The following BTN3A2 variants were observed in gnomAD, a reference collection of about 807,000 sequenced individuals.
BTN3A2 encodes butyrophilin subfamily 3 member A2.
BTN3A2 carries 25 observed loss-of-function variants against 37.6 expected under a neutral mutation model. The ratio of observed to expected loss-of-function variants is 0.66; its 90% CI spans 0.48 to 0.93. The LOEUF is 0.93. Ranked by LOEUF, BTN3A2 falls within the 40% of genes least tolerant of loss-of-function variation. The pLI, the probability that BTN3A2 is intolerant of heterozygous loss-of-function variation, is 0.00. For missense variants in BTN3A2, 266 were observed against 410.9 expected, an observed-to-expected ratio of 0.65 and a Z score of 3.05; for synonymous variants, 122 against 159.4, an observed-to-expected ratio of 0.77 and a Z score of 1.77.
At chr6:26,368,423 C>T (rs756209820) in intron 3 of BTN3A2, 142 bp from the exon 4 acceptor site, 60 of 1,538,414 alleles carry the variant, frequency 3.9e-5, no homozygotes, top group Non-Finnish European at 5.0e-5. Flanking sequence ...TCACCTGTCA[C>T]AAAGAGACAA....
At position 26,376,232 on chromosome 6, in the gene BTN3A2, A is replaced by AAAAAG. The variant is rs1554126688; in HGVS notation, c.*480_*484dup. The AAAAAG allele has an allele frequency of 0.038, 5,105 of 135,930 alleles. 184 individuals are homozygous for AAAAAG. Among genetic ancestry groups the AAAAAG allele is most frequent in the African/African-American group, 0.048 (1,525 of 32,050 alleles). The allele number at this position is 135,930 out of a possible 1,614,324, so 8.4% of individuals were successfully genotyped here. A position where few individuals can be genotyped will look rare whatever the true frequency, so the allele number is the denominator to read the frequency against. ...TGTCTCAAGAAAAAAAAAAAAAAAA[A>AAAAAG]AAAAGAAAAGAAAATTAACCTCTGA... is the stretch of plus-strand genomic sequence containing the variant. On this transcript the variant is annotated 3_prime_UTR_variant, in exon 11 of 11. Coordinates refer to ENST00000377708, the MANE Select transcript of BTN3A2 (RefSeq NM_007047.5).
In BTN3A2 at chr6:26,370,374, C is replaced by T; in HGVS notation, c.486C>T (p.Ile162=). ...VEVKGYEDGG[I]HLECRSTGWY... is the part of the protein sequence containing the mutation. The stretch of plus-strand genomic sequence containing the variant: ...TGAAGGGTTATGAGGATGGAGGGAT[C>T]CATCTGGAGTGCAGGTCCACCGGCT... The change falls in exon 5 of 11, where the codon ATC becomes ATT. Residue 162 remains isoleucine (I), a synonymous_variant. Coordinates refer to ENST00000377708, the MANE Select transcript of BTN3A2 (RefSeq NM_007047.5). 1 of 1,614,148 alleles carries T rather than the reference C, an allele frequency of 6.2e-7. No individual in the cohort carries two copies. Among genetic ancestry groups the T allele is most frequent in the Non-Finnish European group, 8.5e-7 (1 of 1,180,016 alleles).
chr6:26,367,543 A>T (rs1489737555), intron 1 of BTN3A2, among the ~76,000 whole-genome samples: 1 of 152,240 alleles, frequency 6.6e-6, no homozygotes, highest in Non-Finnish European at 1.5e-5. Context: ...TAGTGGGTCC[A>T]GCCCATTGTG....
intron 1 of BTN3A2, among the ~76,000 whole-genome samples, chr6:26,365,678 G>A (rs1762000801): frequency 6.6e-6 from 1 of 152,078 alleles, no homozygotes; most frequent in Non-Finnish European, 1.5e-5. Context: ...TTAACGTATT[G>A]TGGTCAGAAA....
rs1561794664 is a variant in BTN3A2 at position 26,365,346 on chromosome 6, C to G, written c.-73C>G. On this transcript the variant is annotated 5_prime_UTR_variant, in exon 1 of 11. Transcript: ENST00000377708. Reference sequence around the variant, plus strand: ...GGGCTCTGATTCTCCAATGGGAATACCAAGGGGTAAGTGCAGGAAATTGAT... The same window carrying G: ...GGGCTCTGATTCTCCAATGGGAATAGCAAGGGGTAAGTGCAGGAAATTGAT... The G allele has an allele frequency of 6.5e-7, 1 of 1,535,784 alleles. No homozygotes were observed. Among genetic ancestry groups the G allele is most frequent in the African/African-American group, 1.4e-5 (1 of 72,964 alleles).
upstream of BTN3A2, chr6:26,365,175 A>G: frequency 1.1e-6 from 1 of 910,522 alleles, no homozygotes. Flanking sequence ...GAGCCAATCA[A>G]AAAACTAATT....
chr6:26,373,337 A>G (rs1333315950), intron 7 of BTN3A2, 41 bp downstream of exon 7: 2 of 1,595,000 alleles, frequency 1.3e-6, no homozygotes, highest in Non-Finnish European at 1.7e-6. Flanking sequence ...ATGTCTTCCT[A>G]TCCTCGCTTT....
Position 26,373,279 on chromosome 6 carries a change from G to A in BTN3A2, c.920G>A (p.Ser307Asn), listed in dbSNP as rs13216828. The change falls in exon 7 of 11, where the codon AGC (serine) becomes AAC (asparagine). Residue 307 changes from serine to asparagine, a missense_variant. Transcript: ENST00000377708. ...TTTTTTTTTGGTTATTTTCCAGAGA[G>A]CCTCCAGGAGGAACTCAGTAAGTTA... ...ATEREISLRE[S>N]LQEELKRKKI... The A allele has an allele frequency of 0.12, 171,526 of 1,489,610 alleles. 10,433 individuals are homozygous for A. The highest frequency in any genetic ancestry group is 0.13 in the Non-Finnish European group (144,134 of 1,101,042). The allele number at this position is 1,489,610 out of a possible 1,614,324, so 92.3% of individuals were successfully genotyped here.
rs2113676917 is a variant in BTN3A2 at position 26,368,063 on chromosome 6, T to C, written c.-6+13T>C. The C allele has an allele frequency of 1.3e-6, 2 of 1,545,884 alleles. No homozygotes were observed. The highest frequency in any genetic ancestry group is 1.2e-5 in the South Asian group (1 of 80,228). The stretch of plus-strand genomic sequence containing the variant: ...ATTTTTGGCAGAGGTAAGATCTTCT[T>C]CGGTCACCATATTTGAGTTAGCCCT... On this transcript the variant is annotated intron_variant, in intron 2 of 10. Transcript: ENST00000377708.
chr6:26,370,277 A>G (rs1302035219), intron 4 of BTN3A2, 45 bp from the exon 5 acceptor site: 24 of 1,595,508 alleles, frequency 1.5e-5, no homozygotes, highest in Non-Finnish European at 2.0e-5. Flanking sequence ...GACCCTCCCT[A>G]ATACAGGAGC....
Position 26,377,636 on chromosome 6 carries a change from G to C in BTN3A2, c.*1874G>C, listed in dbSNP as rs1760787332. On this transcript the variant is annotated 3_prime_UTR_variant, in exon 11 of 11. Coordinates refer to ENST00000377708, the MANE Select transcript of BTN3A2 (RefSeq NM_007047.5). ...CATAACTCACACGGTAATTTGTGCA[G>C]TTGGGAGATGTTCAGCTTCAGTCCC... 5.3e-6 allele frequency: 1 copy of C among 188,514 alleles called. No individual in the cohort carries two copies. The highest frequency in any genetic ancestry group is 1.1e-5 in the Non-Finnish European group (1 of 89,052). 11.7% of individuals were successfully genotyped at this position (188,514 alleles called of 1,614,324 possible).
chr6:26,374,574 C>A, intron 9 of BTN3A2, 197 bp from the exon 10 acceptor site: 1 of 829,146 alleles, frequency 1.2e-6, no homozygotes, highest in Non-Finnish European at 1.9e-6. Flanking sequence ...CATCCTGCAC[C>A]CCCCATGACA....
At position 26,377,725 on chromosome 6, in the gene BTN3A2, C is replaced by A. The variant is rs922674043; in HGVS notation, c.*1963C>A. On this transcript the variant is annotated 3_prime_UTR_variant, in exon 11 of 11. Transcript: ENST00000377708. Reference sequence around the variant, plus strand: ...GCATGGGAAGAGCCCACATGTAGCCCTGAGGTTCCCTTCCCAGGACAGCTC... The same window carrying A: ...GCATGGGAAGAGCCCACATGTAGCCATGAGGTTCCCTTCCCAGGACAGCTC... 2.9e-5 allele frequency: 5 copies of A among 175,212 alleles called. No homozygotes were observed. The highest frequency in any genetic ancestry group is 2.7e-4 in the Admixed American group (5 of 18,526). The allele number at this position is 175,212 out of a possible 1,614,324, so 10.9% of individuals were successfully genotyped here.
intron 1 of BTN3A2, among the ~76,000 whole-genome samples, chr6:26,366,303 T>A (rs1762055441): frequency 6.6e-6 from 1 of 152,220 alleles, no homozygotes; most frequent in African/African-American, 2.4e-5. Context: ...TTTGCATCAA[T>A]CTCTAAATTT....
At chr6:26,367,731 C>T (rs1759655420) in intron 1 of BTN3A2, among the ~76,000 whole-genome samples, 1 of 152,146 alleles carries the variant, frequency 6.6e-6, no homozygotes, top group Non-Finnish European at 1.5e-5. Flanking sequence ...CACCAGGAGC[C>T]ACCAGGCCAT....
At chr6:26,371,126 G>A (rs1010885786) in intron 5 of BTN3A2, among the ~76,000 whole-genome samples, 3 of 152,220 alleles carry the variant, frequency 2.0e-5, no homozygotes, top group Non-Finnish European at 4.4e-5. Context: ...GCCAGGTGTG[G>A]TGGAGTGCAC....
chr6:26,374,737 G>A, intron 9 of BTN3A2, 34 bp from the exon 10 acceptor site: 1 of 1,516,044 alleles, frequency 6.6e-7, no homozygotes, highest in Non-Finnish European at 9.1e-7. Context: ...CAAAAATACT[G>A]ACCTTTTTCT....
chr6:26,371,685 C>G (rs1760129539), intron 5 of BTN3A2, among the ~76,000 whole-genome samples: 1 of 144,848 alleles, frequency 6.9e-6, no homozygotes, highest in Admixed American at 6.9e-5. Flanking sequence ...GTGTGTGTGT[C>G]TTTTTTTTTT....
At chr6:26,373,344 C>T (rs1760337625) in intron 7 of BTN3A2, 43 bp from the exon 8 acceptor site, 2 of 1,604,378 alleles carry the variant, frequency 1.2e-6, no homozygotes, top group African/African-American at 1.4e-5. Flanking sequence ...CCTATCCTCG[C>T]TTTGAGCACC....
Sources: gnomAD v4.1 joint callset for allele counts (sites outside exome capture counted in the v4.1 genomes callset) on GRCh38, gnomAD v4.1.1 for gene constraint, MANE v1.5 for transcripts, NCBI Gene and HGNC (gene_info 2026-07-23, HGNC 2026-07-21) for gene names.